ST6GALNAC3: variants seen among roughly 807,000 people sequenced by gnomAD.
ST6GALNAC3 encodes alpha-N-acetylgalactosaminide alpha-2,6-sialyltransferase 3.
ST6GALNAC3 carries 25 observed loss-of-function variants against 32.7 expected under a neutral mutation model. The ratio of observed to expected loss-of-function variants is 0.76; its 90% CI spans 0.56 to 1.07. ST6GALNAC3 has a LOEUF of 1.07. Ranked by LOEUF, ST6GALNAC3 falls within the 50% of genes least tolerant of loss-of-function variation. The pLI is 0.00. For synonymous variants in ST6GALNAC3, 129 were observed against 133.1 expected (o/e 0.97, Z 0.21); for missense variants, 355 against 382.4 (o/e 0.93, Z 0.60).
intron 2 of ST6GALNAC3, among the ~76,000 whole-genome samples, chr1:76,337,312 G>A (rs1313333879): frequency 1.3e-5 from 2 of 152,340 alleles, no homozygotes; most frequent in African/African-American, 4.8e-5. Context: ...TGCTGGCCCA[G>A]AGGCAAGAGG....
chr1:76,508,705 C>G (rs530443839), intron 3 of ST6GALNAC3, among the ~76,000 whole-genome samples: 1 of 152,248 alleles, frequency 6.6e-6, no homozygotes, highest in East Asian at 1.9e-4. Context: ...CCCCAGGTTT[C>G]TAGGTGATCA....
intron 1 of ST6GALNAC3, among the ~76,000 whole-genome samples, chr1:76,096,641 CAATT>C (rs1372056776): frequency 6.6e-6 from 1 of 151,294 alleles, no homozygotes; most frequent in African/African-American, 2.4e-5. Flanking sequence ...GTGCACCAAA[CAATT>C]AAATAGCCCA....
intron 3 of ST6GALNAC3, among the ~76,000 whole-genome samples, chr1:76,531,007 T>TG (rs1663218201): frequency 6.6e-6 from 1 of 152,200 alleles, no homozygotes; most frequent in African/African-American, 2.4e-5. Context: ...AAATATGTGA[T>TG]GCACAAAGAA....
chr1:76,565,638 T>TCTTGATGTG (rs1286157758), intron 3 of ST6GALNAC3, among the ~76,000 whole-genome samples: 2 of 152,206 alleles, frequency 1.3e-5, no homozygotes, highest in African/African-American at 4.8e-5. Flanking sequence ...CAGGCCTGGT[T>TCTTGATGTG]CTTGATGTGT....
At chr1:76,492,797 T>C (rs1660582444) in intron 3 of ST6GALNAC3, among the ~76,000 whole-genome samples, 2 of 152,030 alleles carry the variant, frequency 1.3e-5, no homozygotes, top group Admixed American at 1.3e-4. Context: ...AAGCATATGG[T>C]TTGAGAAGTT....
intron 1 of ST6GALNAC3, among the ~76,000 whole-genome samples, chr1:76,233,791 C>T (rs2100645313): frequency 6.6e-6 from 1 of 152,226 alleles, no homozygotes; most frequent in Non-Finnish European, 1.5e-5. Flanking sequence ...GGATATATTA[C>T]AGTAGTGGTG....
intron 1 of ST6GALNAC3, among the ~76,000 whole-genome samples, chr1:76,096,409 C>T (rs2100762360): frequency 6.6e-6 from 1 of 152,208 alleles, no homozygotes; most frequent in South Asian, 2.1e-4. Flanking sequence ...TTGGAAGTCT[C>T]TGAAGGCCAT....
chr1:76,278,223 C>CTTTTTTTTTTTTTTTTTTTTT (rs568694243), intron 1 of ST6GALNAC3, among the ~76,000 whole-genome samples: 3 of 113,766 alleles, frequency 2.6e-5, no homozygotes, highest in East Asian at 3.2e-4. Flanking sequence ...GCTAGGCATT[C>CTTTTTTTTTTTTTTTTTTTTT]TTTTTTTTTT....
intron 3 of ST6GALNAC3, among the ~76,000 whole-genome samples, chr1:76,499,282 G>A (rs1393096162): frequency 6.6e-6 from 1 of 152,186 alleles, no homozygotes; most frequent in Non-Finnish European, 1.5e-5. Context: ...GGAATTGGCA[G>A]TATTTATTGT....
intron 1 of ST6GALNAC3, among the ~76,000 whole-genome samples, chr1:76,227,951 A>G (rs1372694700): frequency 1.3e-5 from 2 of 152,174 alleles, no homozygotes; most frequent in African/African-American, 2.4e-5. Context: ...TTCAGGGAAA[A>G]AAAAGTCTAA....
At position 76,205,050 on chromosome 1, in the gene ST6GALNAC3, G is replaced by A. The variant is rs1487353830; in HGVS notation, c.19-108755G>A. Reference sequence around the variant, plus strand: ...CCCAACGTCATTTGCTTCCTGAACTGTGGGACCCTTGAGGTCAGGCCAGAT... The same window carrying A: ...CCCAACGTCATTTGCTTCCTGAACTATGGGACCCTTGAGGTCAGGCCAGAT... On this transcript the variant is annotated intron_variant, in intron 1 of 4. Coordinates refer to ENST00000328299, the MANE Select transcript of ST6GALNAC3 (RefSeq NM_152996.4). 3.9e-5 allele frequency among the ~76,000 whole-genome samples: 6 copies of A among 152,130 alleles called. No homozygotes were observed. In the East Asian group the frequency reaches 1.2e-3, roughly 29 times the overall value.
chr1:76,288,475 T>C (rs1407603501), intron 1 of ST6GALNAC3, among the ~76,000 whole-genome samples: 1 of 152,208 alleles, frequency 6.6e-6, no homozygotes, highest in African/African-American at 2.4e-5. Context: ...GTATAAGTTC[T>C]AAGCAGTCCT....
chr1:76,485,909 T>C (rs1660079708), intron 3 of ST6GALNAC3, among the ~76,000 whole-genome samples: 1 of 152,220 alleles, frequency 6.6e-6, no homozygotes, highest in Non-Finnish European at 1.5e-5. Flanking sequence ...GTCCCAGAGA[T>C]TCTGGTATGT....
chr1:76,091,990 G>A (rs567261800), intron 1 of ST6GALNAC3, among the ~76,000 whole-genome samples: 2 of 152,258 alleles, frequency 1.3e-5, no homozygotes, highest in South Asian at 4.1e-4. Context: ...GAGGAAATGC[G>A]GGCTTAGAGA....
At chr1:76,363,058 G>T (rs1410899518) in intron 2 of ST6GALNAC3, among the ~76,000 whole-genome samples, 1 of 152,228 alleles carries the variant, frequency 6.6e-6, no homozygotes, top group Non-Finnish European at 1.5e-5. Context: ...CCTGCAACAG[G>T]CTTCTTCCTA....
At chr1:76,510,100 T>C (rs1265791735) in intron 3 of ST6GALNAC3, among the ~76,000 whole-genome samples, 1 of 152,196 alleles carries the variant, frequency 6.6e-6, no homozygotes, top group Non-Finnish European at 1.5e-5. Context: ...AGTTAAAACA[T>C]AGTGGTTCTG....
intron 3 of ST6GALNAC3, among the ~76,000 whole-genome samples, chr1:76,498,561 G>A (rs931250539): frequency 1.3e-5 from 2 of 152,190 alleles, no homozygotes; most frequent in African/African-American, 4.8e-5. Context: ...GCAAAGCTGC[G>A]CTATTTTTCA....
intron 1 of ST6GALNAC3, among the ~76,000 whole-genome samples, chr1:76,147,458 A>T (rs1650759538): frequency 6.6e-6 from 1 of 152,162 alleles, no homozygotes; most frequent in Non-Finnish European, 1.5e-5. Flanking sequence ...GAGATGCAAG[A>T]CCATGTGTGT....
intron 1 of ST6GALNAC3, among the ~76,000 whole-genome samples, chr1:76,244,075 A>G (rs755633559): frequency 6.6e-6 from 1 of 152,180 alleles, no homozygotes; most frequent in African/African-American, 2.4e-5. Flanking sequence ...CTTCCTATCC[A>G]TGAACATGGA....
Sources: gnomAD v4.1 joint callset for allele counts (sites outside exome capture counted in the v4.1 genomes callset) on GRCh38, gnomAD v4.1.1 for gene constraint, MANE v1.5 for transcripts, NCBI Gene and HGNC (gene_info 2026-07-23, HGNC 2026-07-21) for gene names.